Variants in WASF3 observed in about 807,000 individuals in gnomAD.
WASF3 encodes the protein WASP family member 3.
Under a neutral mutation model 46.6 loss-of-function variants are expected in WASF3, and 11 were observed. The observed-to-expected ratio is 0.24, with a 90% CI of 0.15 to 0.39. WASF3 has a LOEUF of 0.39. Among genes scored for constraint, WASF3 ranks in the 10% least tolerant of loss-of-function variants. The pLI is 1.00. For missense variants in WASF3, 576 were observed against 669.8 expected, an observed-to-expected ratio of 0.86 and a Z score of 1.55; for synonymous variants, 242 against 259.7, an observed-to-expected ratio of 0.93 and a Z score of 0.65.
intron 1 of WASF3, among the ~76,000 whole-genome samples, chr13:26,594,401 G>C (rs1310996700): frequency 6.6e-6 from 1 of 152,156 alleles, no homozygotes. Flanking sequence ...ATAAATGAAG[G>C]TAAAATCTTT....
intron 1 of WASF3, among the ~76,000 whole-genome samples, chr13:26,587,102 CAAAAAAAAAAAAA>C (rs57542558): frequency 1.1e-4 from 7 of 64,288 alleles, no homozygotes; most frequent in Non-Finnish European, 1.4e-4. Context: ...GACCCTGCCT[CAAAAAAAAAAAAA>C]AAAAAAAAAG....
intron 3 of WASF3, among the ~76,000 whole-genome samples, chr13:26,642,812 G>T (rs1332417944): frequency 1.3e-5 from 2 of 152,066 alleles, no homozygotes; most frequent in African/African-American, 2.4e-5. Flanking sequence ...AATATGCCTG[G>T]CACATAGTAC....
In WASF3 at chr13:26,682,769, T is replaced by G. The variant is rs1275356391; in HGVS notation, c.1146T>G (p.Pro382=). 1 of 1,612,500 alleles carries G rather than the reference T, an allele frequency of 6.2e-7. No homozygotes were observed. Among genetic ancestry groups the G allele is most frequent in the East Asian group, 2.2e-5 (1 of 44,870 alleles). The part of the protein sequence containing the change: ...PASASSTHAA[P]PHPPSTGLLV... ...CAGCCAGCTCCACGCACGCAGCTCC[T>G]CCTCACCCACCCTCCACCGGGCTCC... The change falls in exon 9 of 10, where the codon CCT becomes CCG. Residue 382 remains proline (P), a synonymous_variant. Transcript: ENST00000335327. The surrounding 1 kb of genome is among the most constrained non-coding windows in gnomAD (Gnocchi z 4.4).
chr13:26,541,845 C>G, the WASF3 span, among the ~76,000 whole-genome samples: 1 of 152,162 alleles, frequency 6.6e-6, no homozygotes, highest in Non-Finnish European at 1.5e-5. Flanking sequence ...AACCTCTCTT[C>G]GTTAAGCCTC....
intron 1 of WASF3, chr13:26,577,007 T>C: frequency 1.4e-6 from 1 of 714,116 alleles, no homozygotes; most frequent in Non-Finnish European, 2.5e-6. Flanking sequence ...GTGTTCAATA[T>C]AAGGAATATT....
chr13:26,610,184 A>G (rs1317833449), intron 1 of WASF3, among the ~76,000 whole-genome samples: 1 of 152,124 alleles, frequency 6.6e-6, no homozygotes, highest in Non-Finnish European at 1.5e-5. Context: ...TACGTCTGTC[A>G]GATTTGTTCC....
At chr13:26,542,722 T>C in the WASF3 span, among the ~76,000 whole-genome samples, 12 of 152,348 alleles carry the variant, frequency 7.9e-5, no homozygotes, top group Non-Finnish European at 1.5e-5. Context: ...GAGTTCAATG[T>C]CATGCCCCTA....
intron 1 of WASF3, among the ~76,000 whole-genome samples, chr13:26,576,473 T>C (rs559411109): frequency 6.6e-6 from 1 of 152,298 alleles, no homozygotes; most frequent in African/African-American, 2.4e-5. Context: ...TGACCTAGCC[T>C]CAGAAATTGC....
intron 1 of WASF3, among the ~76,000 whole-genome samples, chr13:26,587,384 G>A (rs1880163077): frequency 6.6e-6 from 1 of 151,806 alleles, no homozygotes; most frequent in African/African-American, 2.4e-5. Context: ...ACACAGTGGA[G>A]GGAAACTACA....
At chr13:26,542,637 G>A in the WASF3 span, among the ~76,000 whole-genome samples, 2 of 152,206 alleles carry the variant, frequency 1.3e-5, no homozygotes, top group Non-Finnish European at 2.9e-5. Flanking sequence ...GTGAGAAGTG[G>A]TTAAAGTATT....
At chr13:26,648,208 T>C (rs958006279) in intron 3 of WASF3, among the ~76,000 whole-genome samples, 2 of 152,172 alleles carry the variant, frequency 1.3e-5, no homozygotes, top group Non-Finnish European at 2.9e-5. Flanking sequence ...TGGCCCAAAA[T>C]CCTGTGACTC....
At position 26,582,303 on chromosome 13, in the gene WASF3, A is replaced by G. The variant is rs115912774; in HGVS notation, c.-109+24484A>G. Among the ~76,000 whole-genome samples, 643 of 152,158 alleles carry G rather than the reference A, an allele frequency of 4.2e-3. 4 individuals are homozygous for G. Among genetic ancestry groups the G allele is most frequent in the African/African-American group, 0.014 (585 of 41,492 alleles). On this transcript the variant is annotated intron_variant, in intron 1 of 9. Coordinates refer to ENST00000335327, the MANE Select transcript of WASF3 (RefSeq NM_006646.6). ...TTGGGGCCAGACTGATTTGTGTTCA[A>G]ATCTTGACTCTGTTGTTTATTAGCT...
chr13:26,680,518 C>T (rs560929347), intron 7 of WASF3, among the ~76,000 whole-genome samples: 3 of 152,328 alleles, frequency 2.0e-5, no homozygotes, highest in Admixed American at 6.5e-5. Flanking sequence ...TTCCATAGTG[C>T]ACCGCATTGC....
At chr13:26,579,528 T>A (rs970504964) in intron 1 of WASF3, among the ~76,000 whole-genome samples, 12 of 152,114 alleles carry the variant, frequency 7.9e-5, no homozygotes, top group African/African-American at 2.9e-4. Flanking sequence ...GAAAAGACAT[T>A]TACTTTTTGG....
chr13:26,556,805 T>C (rs1248210294), upstream of WASF3, among the ~76,000 whole-genome samples: 1 of 152,192 alleles, frequency 6.6e-6, no homozygotes, highest in Non-Finnish European at 1.5e-5. Context: ...GAATTTAAAA[T>C]TTTTTCCTAA....
chr13:26,568,466 C>T (rs961635789), intron 1 of WASF3, among the ~76,000 whole-genome samples: 5 of 152,148 alleles, frequency 3.3e-5, no homozygotes, highest in Non-Finnish European at 7.3e-5. Flanking sequence ...CCAAAGGTGA[C>T]ACCTTGACCT....
intron 1 of WASF3, among the ~76,000 whole-genome samples, chr13:26,584,936 T>C (rs779889772): frequency 2.6e-4 from 39 of 152,228 alleles, no homozygotes; most frequent in Non-Finnish European, 3.8e-4. Flanking sequence ...TAACTCATGC[T>C]AACTAAATAG....
At chr13:26,620,518 G>A (rs762184999) in intron 2 of WASF3, 14 of 152,104 alleles carry the variant, frequency 9.2e-5, no homozygotes, top group Non-Finnish European at 1.9e-4. Context: ...TAGATATGTA[G>A]AGCGTGGCAA....
chr13:26,672,154 A>C (rs1035927823), intron 6 of WASF3, among the ~76,000 whole-genome samples, 165 bp downstream of exon 6: 2 of 152,220 alleles, frequency 1.3e-5, no homozygotes, highest in Admixed American at 6.5e-5. Flanking sequence ...AAACACAGTA[A>C]TACTATCTTC....
Sources: gnomAD v4.1 joint callset for allele counts (sites outside exome capture counted in the v4.1 genomes callset) on GRCh38, gnomAD v4.1.1 for gene constraint, Gnocchi (gnomAD v3.1) non-coding constraint, MANE v1.5 for transcripts, NCBI Gene and HGNC (gene_info 2026-07-23, HGNC 2026-07-21) for gene names.